DRICH1: variants seen among roughly 807,000 people sequenced by gnomAD.
DRICH1 encodes the protein aspartate-rich protein 1.
A neutral mutation model predicts 39.5 loss-of-function variants in DRICH1; 38 were observed. That is an observed-to-expected ratio of 0.96 (90% CI 0.74 to 1.26). The LOEUF (loss-of-function observed/expected upper bound fraction) is 1.26. Ranked by LOEUF, DRICH1 falls within the 50% of genes most tolerant of loss-of-function variation. The pLI, the probability that DRICH1 is intolerant of heterozygous loss-of-function variation, is 0.00. For synonymous variants in DRICH1, 84 were observed against 99.5 expected, an observed-to-expected ratio of 0.84 and a Z score of 0.93; for missense variants, 279 against 270.4, an observed-to-expected ratio of 1.03 and a Z score of -0.22.
At chr22:23,602,910 A>G in the DRICH1 span, among the ~76,000 whole-genome samples, 1 of 152,114 alleles carries the variant, frequency 6.6e-6, no homozygotes, top group Non-Finnish European at 1.5e-5. Context: ...TTAAGTGTTT[A>G]ATGTTCCCTA....
the DRICH1 span, among the ~76,000 whole-genome samples, chr22:23,596,153 T>A: frequency 6.6e-6 from 1 of 152,172 alleles, no homozygotes. Context: ...TTTCCCTTCA[T>A]CTCCTTTCTG....
intron 1 of DRICH1, among the ~76,000 whole-genome samples, chr22:23,631,452 A>T (rs1928381255): frequency 6.6e-6 from 1 of 151,796 alleles, no homozygotes; most frequent in Non-Finnish European, 1.5e-5. Context: ...ATAATAAATA[A>T]AATTTACAAA....
intron 4 of DRICH1, among the ~76,000 whole-genome samples, chr22:23,621,156 G>A (rs1927702799): frequency 1.3e-5 from 2 of 152,104 alleles, no homozygotes; most frequent in African/African-American, 4.8e-5. Context: ...GCAAAACACA[G>A]AAGAAATAGG....
chr22:23,582,442 C>T, the DRICH1 span, among the ~76,000 whole-genome samples: 3 of 151,898 alleles, frequency 2.0e-5, no homozygotes, highest in South Asian at 6.3e-4. Flanking sequence ...TGCTAGTTCC[C>T]ATCTCTATAT....
At chr22:23,605,742 G>A (rs911092530), downstream of DRICH1, among the ~76,000 whole-genome samples, 5 of 152,116 alleles carry the variant, frequency 3.3e-5, no homozygotes, top group Non-Finnish European at 5.9e-5. Context: ...GAAATCTCAC[G>A]AATCAAGATA....
chr22:23,588,975 G>C, the DRICH1 span, among the ~76,000 whole-genome samples: 4 of 151,892 alleles, frequency 2.6e-5, no homozygotes, highest in African/African-American at 9.7e-5. Flanking sequence ...TGCTTCTGCC[G>C]AACATGATGA....
chr22:23,588,642 C>T, the DRICH1 span, among the ~76,000 whole-genome samples: 1 of 152,340 alleles, frequency 6.6e-6, no homozygotes. Context: ...CAGGTGCTGA[C>T]CCTGTACTCA....
the DRICH1 span, among the ~76,000 whole-genome samples, chr22:23,590,956 C>T: frequency 3.9e-5 from 6 of 152,086 alleles, no homozygotes; most frequent in Non-Finnish European, 5.9e-5. Context: ...GGCATATGTG[C>T]GCTTTTGTTC....
At chr22:23,625,661 C>T (rs1436021779) in intron 2 of DRICH1, among the ~76,000 whole-genome samples, 1 of 152,128 alleles carries the variant, frequency 6.6e-6, no homozygotes, top group Non-Finnish European at 1.5e-5. Context: ...TGGGCTGCAA[C>T]AAAATGCAGT....
the DRICH1 span, among the ~76,000 whole-genome samples, chr22:23,594,729 T>C: frequency 6.6e-6 from 1 of 151,950 alleles, no homozygotes; most frequent in Admixed American, 6.6e-5. Flanking sequence ...GGCCTTTACA[T>C]GCTTTGATAA....
intron 11 of DRICH1, among the ~76,000 whole-genome samples, chr22:23,611,988 C>T (rs1307079731): frequency 6.6e-6 from 1 of 152,170 alleles, no homozygotes; most frequent in Non-Finnish European, 1.5e-5. Flanking sequence ...CGGCTACTCA[C>T]ATATGCTGTT....
At chr22:23,620,113 G>A (rs750042329) in intron 5 of DRICH1, among the ~76,000 whole-genome samples, 20 of 152,116 alleles carry the variant, frequency 1.3e-4, no homozygotes, top group Admixed American at 6.6e-4. Context: ...CATAAACATA[G>A]TACTTCTCAT....
At chr22:23,624,464 A>T (rs551701124) in intron 3 of DRICH1, 2 of 533,606 alleles carry the variant, frequency 3.7e-6, no homozygotes, top group African/African-American at 4.1e-5. Flanking sequence ...TTCTGTTTCT[A>T]CACCCTCCCT....
chr22:23,611,926 ATGGAATTTT>A (rs1054543233), intron 11 of DRICH1, among the ~76,000 whole-genome samples: 1 of 152,200 alleles, frequency 6.6e-6, no homozygotes, highest in Admixed American at 6.5e-5. Flanking sequence ...AACCACAGTG[ATGGAATTTT>A]TAGAAAGAGA....
At chr22:23,608,360 T>C (rs753280554), downstream of DRICH1, 3 of 215,244 alleles carry the variant, frequency 1.4e-5, no homozygotes, top group African/African-American at 2.2e-5. Context: ...CGAGGCCTTA[T>C]AGAAGGTGAC....
At chr22:23,604,437 G>A (rs60243609), downstream of DRICH1, among the ~76,000 whole-genome samples, 8,871 of 152,160 alleles carry the variant, frequency 0.058, 522 homozygotes, top group African/African-American at 0.14. Flanking sequence ...CACCTCACAC[G>A]ACACCCTCAT....
chr22:23,581,951 C>T, the DRICH1 span, among the ~76,000 whole-genome samples: 1 of 151,334 alleles, frequency 6.6e-6, no homozygotes, highest in East Asian at 2.0e-4. Context: ...TAACTACATT[C>T]ACAATGTCGT....
At chr22:23,602,703 G>T in the DRICH1 span, among the ~76,000 whole-genome samples, 1 of 150,892 alleles carries the variant, frequency 6.6e-6, no homozygotes, top group African/African-American at 2.5e-5. Context: ...GGTGCTTAGA[G>T]AAATTTGGGG....
chr22:23,604,765 G>A (rs1004017427), downstream of DRICH1, among the ~76,000 whole-genome samples: 2 of 152,222 alleles, frequency 1.3e-5, no homozygotes, highest in African/African-American at 2.4e-5. Context: ...GCACATGTCA[G>A]CTCCATCAGC....
Sources: gnomAD v4.1 joint callset for allele counts (sites outside exome capture counted in the v4.1 genomes callset) on GRCh38, gnomAD v4.1.1 for gene constraint, MANE v1.5 for transcripts, NCBI Gene and HGNC (gene_info 2026-07-23, HGNC 2026-07-21) for gene names.